AKAP10: variants seen among roughly 807,000 people sequenced by gnomAD.
AKAP10 encodes the protein A-kinase anchor protein 10, mitochondrial.
In AKAP10, 24 loss-of-function variants were observed where a neutral mutation model predicts 80.8. That is an observed-to-expected ratio of 0.30 (90% CI 0.22 to 0.42). AKAP10 has a LOEUF of 0.42. Among genes scored for constraint, AKAP10 ranks in the 10% least tolerant of loss-of-function variants. The pLI, the probability that AKAP10 is intolerant of heterozygous loss-of-function variation, is 1.00. For missense variants in AKAP10, 661 were observed against 794.9 expected (o/e 0.83, Z 2.03); for synonymous variants, 291 against 277.7 (o/e 1.05, Z -0.48).
chr17:19,920,409 T>C (rs1434147555), intron 11 of AKAP10, among the ~76,000 whole-genome samples: 2 of 152,106 alleles, frequency 1.3e-5, no homozygotes, highest in South Asian at 2.1e-4. Flanking sequence ...GGCACAAGAA[T>C]AGCCAAGACA....
At position 19,977,728 on chromosome 17, in the gene AKAP10, G is replaced by A; in HGVS notation, c.-49C>T. ...GGTCCAGAGGGGCCGCTGCACTAGC[G>A]CGAAAAGGGACCCTTCTTCCGGGAG... On this transcript the variant is annotated 5_prime_UTR_variant, in exon 1 of 15. Transcript: ENST00000225737. The A allele has an allele frequency of 1.8e-6, 2 of 1,141,116 alleles. No individual in the cohort carries two copies. Among genetic ancestry groups the A allele is most frequent in the Non-Finnish European group, 1.1e-6 (1 of 902,178 alleles). 70.7% of individuals were successfully genotyped at this position (1,141,116 alleles called of 1,614,324 possible). A position where few individuals can be genotyped will look rare whatever the true frequency, so the allele number is the denominator to read the frequency against.
Position 19,937,975 on chromosome 17 carries a change from C to CTT in AKAP10, c.1323-1547_1323-1546dup, listed in dbSNP as rs547191721. Among the ~76,000 whole-genome samples the CTT allele has an allele frequency of 4.1e-3, 526 of 129,146 alleles. 8 individuals are homozygous for CTT. Among genetic ancestry groups the CTT allele is most frequent in the East Asian group, 0.017 (73 of 4,388 alleles). The allele number at this position is 129,146 out of a possible 152,430, so 84.7% of individuals were successfully genotyped here. ...TTTCTGAGACAGGGGGACTGGAAAC[C>CTT]TTTTTTTTTTTTTTTTTTTTGAGAT... On this transcript the variant is annotated intron_variant, in intron 8 of 14. Transcript: ENST00000225737.
In AKAP10 at chr17:19,946,250, T is replaced by TA. The variant is rs1175633125; in HGVS notation, c.976+1156dup. On this transcript the variant is annotated intron_variant, in intron 5 of 14. Transcript: ENST00000225737. ...TATATATATATATTATATATATATA[T>TA]ATATATATATATATATATATATATA... is the stretch of plus-strand genomic sequence containing the variant. 1.4e-3 allele frequency among the ~76,000 whole-genome samples: 28 copies of TA among 20,058 alleles called. 1 individual carries two copies. The highest frequency in any genetic ancestry group is 6.2e-3 in the African/African-American group (28 of 4,522). The allele number at this position is 20,058 out of a possible 152,430, so 13.2% of individuals were successfully genotyped here. A position where few individuals can be genotyped will look rare whatever the true frequency, so the allele number is the denominator to read the frequency against.
intron 9 of AKAP10, among the ~76,000 whole-genome samples, chr17:19,932,680 G>A (rs1183770084): frequency 2.0e-5 from 3 of 151,908 alleles, no homozygotes; most frequent in Non-Finnish European, 2.9e-5. Context: ...AACTCACCAG[G>A]CGTGTGATTG....
chr17:19,926,529 G>C (rs203478), intron 10 of AKAP10, among the ~76,000 whole-genome samples: 31,853 of 151,896 alleles, frequency 0.21, 3,590 homozygotes, highest in Middle Eastern at 0.29. Flanking sequence ...AAATCCTAAA[G>C]AATCCACAAG....
rs779429959 is a variant in AKAP10 at position 19,940,850 on chromosome 17, T to C, written c.1185+37A>G. On this transcript the variant is annotated intron_variant, in intron 7 of 14. Transcript: ENST00000225737. ...CAGCATTGATAGTTAGAGGCTGGAATGCTCGAATAGAGTGTGAAAAGAAAT... is the reference window on the plus strand; with the variant it reads ...CAGCATTGATAGTTAGAGGCTGGAACGCTCGAATAGAGTGTGAAAAGAAAT... 4.5e-6 allele frequency: 7 copies of C among 1,549,674 alleles called. No homozygotes were observed. In the South Asian group the frequency reaches 7.6e-5, roughly 17 times the overall value.
In AKAP10 at chr17:19,936,323, G is replaced by C. The variant is rs778978697; in HGVS notation, c.1430C>G (p.Thr477Arg). The change falls in exon 9 of 15, where the codon ACA becomes AGA. Residue 477 changes from threonine (T) to arginine (R), a missense_variant. Transcript: ENST00000225737. ...REGGPLPNCF[T>R]TPLRQAWTTM... ...TGTCCAGGCCTGACGTAATGGAGTT[G>C]TGAAACAGTTGGGGAGTGGCCCACC... The C allele has an allele frequency of 6.2e-7, 1 of 1,613,850 alleles. No individual in the cohort carries two copies. Among genetic ancestry groups the C allele is most frequent in the Non-Finnish European group, 8.5e-7 (1 of 1,179,908 alleles).
chr17:19,975,852 T>C (rs1288118004), intron 1 of AKAP10, among the ~76,000 whole-genome samples: 2 of 152,120 alleles, frequency 1.3e-5, no homozygotes, highest in Non-Finnish European at 2.9e-5. Flanking sequence ...CTTAGAATGT[T>C]TTCCCCCCTT....
At chr17:19,927,055 A>G (rs2042882176) in intron 10 of AKAP10, among the ~76,000 whole-genome samples, 1 of 151,920 alleles carries the variant, frequency 6.6e-6, no homozygotes, top group Admixed American at 6.6e-5. Context: ...TAGTGAAAAG[A>G]CAGGTTGCGT....
chr17:19,929,643 T>A (rs951593623), intron 10 of AKAP10: 2 of 152,116 alleles, frequency 1.3e-5, no homozygotes, highest in Admixed American at 6.6e-5. Context: ...AAAAATATAT[T>A]TTATGGTTAG....
rs564557310 is a variant in AKAP10 at position 19,968,531 on chromosome 17, T to C, written c.89-70A>G. The C allele has an allele frequency of 1.7e-5, 21 of 1,262,132 alleles. No homozygotes were observed. In the South Asian group the frequency reaches 2.0e-4, roughly 12 times the overall value. The allele number at this position is 1,262,132 out of a possible 1,614,324, so 78.2% of individuals were successfully genotyped here. ...ATCCATTCTATAACACTGTAAAAATTAGACCAGCTTTATTCTAAGATGAGT... is the reference window on the plus strand; with the variant it reads ...ATCCATTCTATAACACTGTAAAAATCAGACCAGCTTTATTCTAAGATGAGT... On this transcript the variant is annotated intron_variant, in intron 1 of 14. Coordinates refer to ENST00000225737, the MANE Select transcript of AKAP10 (RefSeq NM_007202.4).
In AKAP10 at chr17:19,972,134, T is replaced by C. The variant is rs191590219; in HGVS notation, c.89-3673A>G. Among the ~76,000 whole-genome samples the C allele has an allele frequency of 2.5e-3, 388 of 152,308 alleles. 9 individuals are homozygous for C. The highest frequency in any genetic ancestry group is 4.7e-4 in the Non-Finnish European group (32 of 68,034). The stretch of plus-strand genomic sequence containing the variant: ...AATAAAAAACAAATTATGTGCATTT[T>C]TAATGAAAGTGACTGTACCATTCCA... On this transcript the variant is annotated intron_variant, in intron 1 of 14. Coordinates refer to ENST00000225737, the MANE Select transcript of AKAP10 (RefSeq NM_007202.4).
At chr17:19,973,279 T>C (rs2043522943) in intron 1 of AKAP10, among the ~76,000 whole-genome samples, 1 of 152,220 alleles carries the variant, frequency 6.6e-6, no homozygotes, top group Non-Finnish European at 1.5e-5. Flanking sequence ...CTACCAGTTT[T>C]TGTAAGTAAA....
intron 1 of AKAP10, 99 bp from the exon 2 acceptor site, chr17:19,968,560 CAA>C: frequency 9.8e-7 from 1 of 1,018,224 alleles, no homozygotes; most frequent in Non-Finnish European, 1.5e-6. Context: ...GATGAGTATT[CAA>C]AGTTCTAGAA....
chr17:19,947,196 T>C (rs2152415794), intron 5 of AKAP10: 1 of 524,548 alleles, frequency 1.9e-6, no homozygotes, highest in East Asian at 3.4e-5. Flanking sequence ...CTGCAGCCCA[T>C]CTGGCCCAGG....
Position 19,932,205 on chromosome 17 carries a change from C to T in AKAP10, c.1468-227G>A, listed in dbSNP as rs147934966. On this transcript the variant is annotated intron_variant, in intron 9 of 14. Coordinates refer to ENST00000225737, the MANE Select transcript of AKAP10 (RefSeq NM_007202.4). ...GTGGCTTACACCTGTAATCTCAGCA[C>T]TCTAGGAGGCCGAGGCAGACGGATC... Among the ~76,000 whole-genome samples, 402 of 152,150 alleles carry T rather than the reference C, an allele frequency of 2.6e-3. 1 individual carries two copies. The highest frequency in any genetic ancestry group is 9.2e-3 in the African/African-American group (380 of 41,500).
intron 12 of AKAP10, among the ~76,000 whole-genome samples, chr17:19,919,536 T>C (rs2042787287): frequency 6.6e-6 from 1 of 151,812 alleles, no homozygotes; most frequent in Non-Finnish European, 1.5e-5. Flanking sequence ...ATACAAAAAT[T>C]AGCCAGGTGT....
Position 19,958,355 on chromosome 17 carries a change from T to A in AKAP10, c.536A>T (p.Gln179Leu). 2 of 1,614,266 alleles carry A rather than the reference T, an allele frequency of 1.2e-6. No individual in the cohort carries two copies. The highest frequency in any genetic ancestry group is 2.2e-5 in the East Asian group (1 of 44,892). ...AGAGACAGGCTCAGCCAGTGAGCTCTGCTTCACTGTGTTTAGACTGTGTGC... is the reference window on the plus strand; with the variant it reads ...AGAGACAGGCTCAGCCAGTGAGCTCAGCTTCACTGTGTTTAGACTGTGTGC... ...IRAHSLNTVKQSSLAEPVSPS... is the reference protein window; with the variant it reads ...IRAHSLNTVKLSSLAEPVSPS... Residue 179 changes from glutamine (Q) to leucine (L), a missense_variant, in exon 4 of 15, where the codon CAG (glutamine) becomes CTG (leucine). By Grantham distance (113) the Gln-to-Leu change is moderately radical. Coordinates refer to ENST00000225737, the MANE Select transcript of AKAP10 (RefSeq NM_007202.4).
rs552679584 is a variant in AKAP10, at chr17:19,908,537, G to C, written c.1983+644C>G. On this transcript the variant is annotated intron_variant, in intron 14 of 14. Transcript: ENST00000225737. ...CATATACAGATCACTCCTAGGCCAA[G>C]GATCCATGGGAATCTCTCTAAATAT... 5.3e-5 allele frequency among the ~76,000 whole-genome samples: 8 copies of C among 152,270 alleles called. No individual in the cohort carries two copies. In the East Asian group the frequency reaches 1.5e-3, roughly 29 times the overall value.
Sources: gnomAD v4.1 joint callset for allele counts (sites outside exome capture counted in the v4.1 genomes callset) on GRCh38, gnomAD v4.1.1 for gene constraint, MANE v1.5 for transcripts, NCBI Gene and HGNC (gene_info 2026-07-23, HGNC 2026-07-21) for gene names.